CSMD1: variants seen among roughly 807,000 people sequenced by gnomAD.
CSMD1 encodes the protein CUB and Sushi multiple domains 1.
In CSMD1, 213 loss-of-function variants were observed where a neutral mutation model predicts 417.5. The observed-to-expected ratio is 0.51, with a 90% CI of 0.46 to 0.57. CSMD1 has a LOEUF of 0.57. Among genes scored for constraint, CSMD1 ranks in the 20% least tolerant of loss-of-function variants. The pLI is 0.00. For synonymous variants in CSMD1, 2,862 were observed against 1,736.8 expected (o/e 1.65, Z -16.11); for missense variants, 6,923 against 4,529.7 (o/e 1.53, Z -15.17).
chr8:3,057,891 C>T (rs1211946223), intron 49 of CSMD1, among the ~76,000 whole-genome samples: 1 of 152,214 alleles, frequency 6.6e-6, no homozygotes, highest in Non-Finnish European at 1.5e-5. Context: ...TCCCGCGACA[C>T]TGAACAAAAA....
chr8:3,230,003 C>A, intron 27 of CSMD1, 37 bp downstream of exon 27: 1 of 1,420,984 alleles, frequency 7.0e-7, no homozygotes, highest in South Asian at 1.5e-5. Flanking sequence ...TGCATCCATT[C>A]CTGAATATAA....
At chr8:4,182,153 T>A (rs943092877) in intron 3 of CSMD1, among the ~76,000 whole-genome samples, 1 of 151,986 alleles carries the variant, frequency 6.6e-6, no homozygotes, top group Non-Finnish European at 1.5e-5. Flanking sequence ...AAAAACAACA[T>A]AGCACCAACA....
In CSMD1 at chr8:3,617,365, C is replaced by T. The variant is rs182547120; in HGVS notation, c.1010-568G>A. Reference sequence around the variant, plus strand: ...TTTCTCCTGTTGGGACTTGCACCATCACAGAATAATTTCTAAAGAACTCAT... The same window carrying T: ...TTTCTCCTGTTGGGACTTGCACCATTACAGAATAATTTCTAAAGAACTCAT... On this transcript the variant is annotated intron_variant, in intron 7 of 69. Coordinates refer to ENST00000635120, the MANE Select transcript of CSMD1 (RefSeq NM_033225.6). Among the ~76,000 whole-genome samples the T allele has an allele frequency of 3.3e-4, 50 of 152,304 alleles. No individual in the cohort carries two copies. The East Asian group carries it at 7.3e-3, about 22-fold the overall frequency.
At chr8:3,784,629 A>G (rs1374934072) in intron 5 of CSMD1, among the ~76,000 whole-genome samples, 1 of 152,200 alleles carries the variant, frequency 6.6e-6, no homozygotes, top group African/African-American at 2.4e-5. Context: ...AAATGAATAA[A>G]TCAATAAATA....
intron 41 of CSMD1, among the ~76,000 whole-genome samples, chr8:3,133,444 G>C (rs964815149): frequency 4.5e-4 from 68 of 152,278 alleles, no homozygotes; most frequent in African/African-American, 1.6e-3. Flanking sequence ...ATAGCAGCTG[G>C]GGGTGCCTTG....
chr8:4,220,637 T>A (rs1800973253), intron 3 of CSMD1, among the ~76,000 whole-genome samples: 1 of 151,748 alleles, frequency 6.6e-6, no homozygotes, highest in African/African-American at 2.4e-5. Flanking sequence ...ATTTTGGAGG[T>A]GGAATCAACA....
intron 1 of CSMD1, among the ~76,000 whole-genome samples, chr8:4,735,298 C>T (rs1403961128): frequency 6.6e-6 from 1 of 152,148 alleles, no homozygotes; most frequent in African/African-American, 2.4e-5. Context: ...GCTTTTTAAA[C>T]CACATCTCCA....
chr8:3,778,019 T>TCTGGCTGG (rs1168717940), intron 5 of CSMD1, among the ~76,000 whole-genome samples: 1 of 152,224 alleles, frequency 6.6e-6, no homozygotes, highest in Non-Finnish European at 1.5e-5. Context: ...CCTAAGAAAC[T>TCTGGCTGG]CTGGCTGTCT....
chr8:3,451,331 G>T lies in CSMD1; in HGVS notation c.1561+17381C>A, dbSNP rs550871364. The stretch of plus-strand genomic sequence containing the variant: ...GCTCTTTAGTTTAATTAGATCCCAT[G>T]TGTCAATTTTGGCTTTTGTTGCCAT... On this transcript the variant is annotated intron_variant, in intron 12 of 69. Coordinates refer to ENST00000635120, the MANE Select transcript of CSMD1 (RefSeq NM_033225.6). Among the ~76,000 whole-genome samples the T allele has an allele frequency of 9.9e-4, 150 of 152,208 alleles. 1 individual carries two copies. The South Asian group carries it at 0.015, about 16-fold the overall frequency.
intron 2 of CSMD1, among the ~76,000 whole-genome samples, chr8:4,575,175 T>C (rs1273384002): frequency 6.6e-6 from 1 of 152,250 alleles, no homozygotes; most frequent in Non-Finnish European, 1.5e-5. Context: ...CCAAGAACTG[T>C]ATCTTATCAC....
chr8:3,146,990 C>A (rs1358337643), intron 40 of CSMD1, among the ~76,000 whole-genome samples: 1 of 152,062 alleles, frequency 6.6e-6, no homozygotes, highest in African/African-American at 2.4e-5. Context: ...TGAAAAACAT[C>A]CCATATATTT....
intron 26 of CSMD1, among the ~76,000 whole-genome samples, chr8:3,230,728 A>G (rs192086706): frequency 5.9e-5 from 9 of 152,304 alleles, no homozygotes; most frequent in Middle Eastern, 3.4e-3. Flanking sequence ...CCAGTGAGTT[A>G]TACCCAGGAT....
chr8:4,197,180 G>T (rs951169058), intron 3 of CSMD1, among the ~76,000 whole-genome samples: 1 of 152,182 alleles, frequency 6.6e-6, no homozygotes, highest in South Asian at 2.1e-4. Context: ...CAAAAAATGT[G>T]TATAAAAGTC....
intron 2 of CSMD1, among the ~76,000 whole-genome samples, chr8:4,528,368 T>G (rs1563258802): frequency 6.6e-6 from 1 of 152,094 alleles, no homozygotes; most frequent in African/African-American, 2.4e-5. Context: ...AGAAAGACAT[T>G]CCAAGACTCT....
chr8:4,036,125 C>A lies in CSMD1; in HGVS notation c.416-4026G>T, dbSNP rs141565841. On this transcript the variant is annotated intron_variant, in intron 3 of 69. Coordinates refer to ENST00000635120, the MANE Select transcript of CSMD1 (RefSeq NM_033225.6). The stretch of plus-strand genomic sequence containing the variant: ...ACTCTAGGAGTACTAGGCTACACCA[C>A]ACATCCTAGGTGCGTAGTAGGCCGC... Among the ~76,000 whole-genome samples, 728 of 152,328 alleles carry A rather than the reference C, an allele frequency of 4.8e-3. 1 individual carries two copies. Among genetic ancestry groups the A allele is most frequent in the African/African-American group, 0.017 (693 of 41,588 alleles).
chr8:3,545,200 T>C (rs1264784352), intron 10 of CSMD1, among the ~76,000 whole-genome samples: 2 of 152,206 alleles, frequency 1.3e-5, no homozygotes, highest in Non-Finnish European at 2.9e-5. Flanking sequence ...GGAGGTAGAA[T>C]ATTGTTTCCA....
intron 2 of CSMD1, among the ~76,000 whole-genome samples, chr8:4,541,805 A>T (rs1246335640): frequency 1.3e-5 from 2 of 152,140 alleles, no homozygotes; most frequent in Non-Finnish European, 2.9e-5. Flanking sequence ...AAAAATAATA[A>T]TAATAAGTGG....
Position 4,440,159 on chromosome 8 carries a change from C to A in CSMD1, c.303-20094G>T, listed in dbSNP as rs191876335. 1.1e-3 allele frequency among the ~76,000 whole-genome samples: 166 copies of A among 152,212 alleles called. 1 individual carries two copies. In the South Asian group the frequency reaches 0.011, roughly 10 times the overall value. ...GGTGTAAATTTCTTGCTAATTTGGACGTTTCTTTCTAGATTAATAATGTAG... is the reference window on the plus strand; with the variant it reads ...GGTGTAAATTTCTTGCTAATTTGGAAGTTTCTTTCTAGATTAATAATGTAG... On this transcript the variant is annotated intron_variant, in intron 2 of 69. Transcript: ENST00000635120.
intron 8 of CSMD1, among the ~76,000 whole-genome samples, chr8:3,613,620 T>A (rs898014680): frequency 4.6e-5 from 7 of 151,676 alleles, no homozygotes; most frequent in East Asian, 3.9e-4. Flanking sequence ...AGCCCTCATA[T>A]TCACAAAATA....
Sources: gnomAD v4.1 joint callset for allele counts (sites outside exome capture counted in the v4.1 genomes callset) on GRCh38, gnomAD v4.1.1 for gene constraint, MANE v1.5 for transcripts, NCBI Gene and HGNC (gene_info 2026-07-23, HGNC 2026-07-21) for gene names.